Variants in NACC2 observed in about 807,000 individuals in gnomAD.
NACC2 encodes NACC family member 2, also known as nucleus accumbens-associated protein 2.
A neutral mutation model predicts 25.1 loss-of-function variants in NACC2; 8 were observed. The ratio of observed to expected loss-of-function variants is 0.32; its 90% confidence interval spans 0.19 to 0.57. The LOEUF is 0.57. Among genes scored for constraint, NACC2 ranks in the 20% least tolerant of loss-of-function variants. The pLI, the probability that NACC2 is intolerant of heterozygous loss-of-function variation, is 0.89. For missense variants in NACC2, 644 were observed against 650.2 expected, an observed-to-expected ratio of 0.99 and a Z score of 0.10; for synonymous variants, 435 against 294.7, an observed-to-expected ratio of 1.48 and a Z score of -4.88.
At chr9:136,052,810 G>GC (rs1840866862) in intron 1 of NACC2, among the ~76,000 whole-genome samples, 1 of 152,244 alleles carries the variant, frequency 6.6e-6, no homozygotes, top group Non-Finnish European at 1.5e-5. Flanking sequence ...TGCCCAAGGG[G>GC]GTCTGCAGCG....
chr9:136,078,925 C>T (rs1564241763), intron 1 of NACC2, among the ~76,000 whole-genome samples: 2 of 152,250 alleles, frequency 1.3e-5, no homozygotes, highest in Non-Finnish European at 2.9e-5. Flanking sequence ...CACCCATCCC[C>T]ACGGGGAGCA....
chr9:136,087,349 A>G (rs1347274883), intron 1 of NACC2, among the ~76,000 whole-genome samples: 2 of 152,142 alleles, frequency 1.3e-5, no homozygotes, highest in Non-Finnish European at 2.9e-5. Flanking sequence ...CCCCCCTCCA[A>G]CACACCCCAG....
intron 1 of NACC2, among the ~76,000 whole-genome samples, chr9:136,067,232 G>T (rs567796331): frequency 1.5e-4 from 19 of 128,734 alleles, no homozygotes; most frequent in African/African-American, 5.4e-4. Context: ...ACACAGCCAA[G>T]AGCTAGCCTA....
chr9:136,044,813 G>T (rs1046194938), intron 2 of NACC2, among the ~76,000 whole-genome samples: 2 of 152,234 alleles, frequency 1.3e-5, no homozygotes, highest in African/African-American at 4.8e-5. Flanking sequence ...ATGGTGGGGG[G>T]TGAGTGGCTG....
At chr9:136,053,509 C>G (rs1840879359) in intron 1 of NACC2, among the ~76,000 whole-genome samples, 1 of 152,194 alleles carries the variant, frequency 6.6e-6, no homozygotes, top group Non-Finnish European at 1.5e-5. Context: ...CCCCGCCACA[C>G]CCTCCACCCT....
At chr9:136,094,378 G>C (rs1461855847) in intron 1 of NACC2, among the ~76,000 whole-genome samples, 1 of 152,206 alleles carries the variant, frequency 6.6e-6, no homozygotes, top group Non-Finnish European at 1.5e-5. Flanking sequence ...GCCTGGCAGA[G>C]GGGCTGGGAG....
rs1840910247 is a variant in NACC2, at chr9:136,055,395, A to G, written c.-59-4815T>C. ...GAGCAGAGGCTCTGGCAGGTACAAG[A>G]CCCCTGAAAGCATCCCCCAGGCCAG... On this transcript the variant is annotated intron_variant, in intron 1 of 5. Transcript: ENST00000277554. This position sits in a 1 kb window ranked among gnomAD's most constrained non-coding sequence, Gnocchi z 4.9. Among the ~76,000 whole-genome samples the G allele has an allele frequency of 6.6e-6, 1 of 151,984 alleles. No individual in the cohort carries two copies. Among genetic ancestry groups the G allele is most frequent in the Non-Finnish European group, 1.5e-5 (1 of 67,994 alleles).
rs1373614321 is a variant in NACC2 at position 136,086,888 on chromosome 9, A to G, written c.-60+8301T>C. The stretch of plus-strand genomic sequence containing the variant: ...AGCCCCCCAGTGCCCTCTACGCACT[A>G]AAGGCTTTCTGCCCCTCCCACACCA... On this transcript the variant is annotated intron_variant, in intron 1 of 5. Coordinates refer to ENST00000277554, the MANE Select transcript of NACC2 (RefSeq NM_144653.5). This position sits in a 1 kb window ranked among gnomAD's most constrained non-coding sequence, Gnocchi z 5.6. 1.3e-5 allele frequency among the ~76,000 whole-genome samples: 2 copies of G among 152,182 alleles called. No individual in the cohort carries two copies.
At chr9:136,053,763 G>A (rs1038055998) in intron 1 of NACC2, among the ~76,000 whole-genome samples, 356 of 152,348 alleles carry the variant, frequency 2.3e-3, no homozygotes, top group Non-Finnish European at 4.4e-3. Context: ...GGACGGGGGG[G>A]TAGGGATGTC....
chr9:136,051,613 CCGGGTGG>C (rs1318671013), intron 1 of NACC2, among the ~76,000 whole-genome samples: 1 of 152,130 alleles, frequency 6.6e-6, no homozygotes, highest in Non-Finnish European at 1.5e-5. Flanking sequence ...CGCAGAGGCG[CCGGGTGG>C]CGGGAGGAGG....
At chr9:136,048,326 G>A (rs1272665572) in intron 2 of NACC2, among the ~76,000 whole-genome samples, 1 of 152,182 alleles carries the variant, frequency 6.6e-6, no homozygotes. Context: ...ATTCCCCGGA[G>A]GCCTCAGCCA....
At chr9:136,074,081 G>C (rs1279974903) in intron 1 of NACC2, among the ~76,000 whole-genome samples, 1 of 151,730 alleles carries the variant, frequency 6.6e-6, no homozygotes, top group African/African-American at 2.4e-5. Flanking sequence ...TGAAGCAGAA[G>C]GATCACTTGA....
At position 136,011,514 on chromosome 9, in the gene NACC2, G is replaced by A. The variant is rs548156752; in HGVS notation, c.*2C>T. ...GTCCCTCGCGCAGCCACCCAGCTCC[G>A]CTTACAAGGTCCCTGCATAGGTGCC... On this transcript the variant is annotated 3_prime_UTR_variant, in exon 6 of 6. Transcript: ENST00000277554. 142 of 1,380,370 alleles carry A rather than the reference G, an allele frequency of 1.0e-4. 1 individual carries two copies. The South Asian group carries it at 2.2e-3, about 22-fold the overall frequency. The allele number at this position is 1,380,370 out of a possible 1,614,324, so 85.5% of individuals were successfully genotyped here.
rs545823195 is a variant in NACC2 at position 136,018,962 on chromosome 9, G to C, written c.887-2533C>G. On this transcript the variant is annotated intron_variant, in intron 2 of 5. Coordinates refer to ENST00000277554, the MANE Select transcript of NACC2 (RefSeq NM_144653.5). This position sits in a 1 kb window ranked among gnomAD's most constrained non-coding sequence, Gnocchi z 4.4. ...AAACAGCAGAAGTTGTTTGTGCTTG[G>C]AACACCCGCCCCTCCCCAGCCCCTG... Among the ~76,000 whole-genome samples the C allele has an allele frequency of 2.0e-5, 3 of 151,446 alleles. No homozygotes were observed. Among genetic ancestry groups the C allele is most frequent in the Non-Finnish European group, 1.5e-5 (1 of 67,854 alleles).
Position 136,011,698 on chromosome 9 carries a change from C to G in NACC2, c.1582G>C (p.Ala528Pro). 6.7e-7 allele frequency: 1 copy of G among 1,489,544 alleles called. No individual in the cohort carries two copies. The highest frequency in any genetic ancestry group is 8.9e-7 in the Non-Finnish European group (1 of 1,122,808). 92.3% of individuals were successfully genotyped at this position (1,489,544 alleles called of 1,614,324 possible). Residue 528 changes from alanine (A) to proline (P), a missense_variant, in exon 6 of 6, where the codon GCC becomes CCC. Transcript: ENST00000277554. ...CCAGCCCCGTCCACCTCCTCGCCGG[C>G]GTCGAAGGCGGGGTTGGCGGCGGCA... ...LSAAANPAFDAGEEVDGAGSV... is the reference protein window; with the variant it reads ...LSAAANPAFDPGEEVDGAGSV...
intron 1 of NACC2, among the ~76,000 whole-genome samples, chr9:136,092,689 G>C (rs117422905): frequency 0.017 from 2,571 of 152,342 alleles, 26 homozygotes; most frequent in Non-Finnish European, 0.026. Flanking sequence ...GACTGGGCCG[G>C]AGGAGCAGCA....
chr9:136,026,604 T>C (rs547366577), intron 2 of NACC2, among the ~76,000 whole-genome samples: 1 of 152,006 alleles, frequency 6.6e-6, no homozygotes, highest in South Asian at 2.1e-4. Context: ...GTGAAAAGCA[T>C]GGGGAAAAAA....
chr9:136,048,806 C>T (rs1196978895), intron 2 of NACC2, among the ~76,000 whole-genome samples: 6 of 152,298 alleles, frequency 3.9e-5, no homozygotes, highest in African/African-American at 1.2e-4. Flanking sequence ...GGCAGGGGGG[C>T]GTCCCATCAG....
intron 3 of NACC2, among the ~76,000 whole-genome samples, chr9:136,015,695 GC>G (rs2131133989): frequency 6.6e-6 from 1 of 152,344 alleles, no homozygotes; most frequent in East Asian, 1.9e-4. Flanking sequence ...CCAGAAAATG[GC>G]CCAATAGTCA....
Sources: gnomAD v4.1 joint callset for allele counts (sites outside exome capture counted in the v4.1 genomes callset) on GRCh38, gnomAD v4.1.1 for gene constraint, Gnocchi (gnomAD v3.1) non-coding constraint, MANE v1.5 for transcripts, NCBI Gene and HGNC (gene_info 2026-07-23, HGNC 2026-07-21) for gene names.